The following COBLL1 variants were observed in gnomAD, a reference collection of about 807,000 sequenced individuals.
COBLL1 encodes cordon-bleu WH2 repeat protein like 1.
A neutral mutation model predicts 94.8 loss-of-function variants in COBLL1; 50 were observed. The ratio of observed to expected loss-of-function variants is 0.53; its 90% CI spans 0.42 to 0.67. The LOEUF is 0.67. Ranked by LOEUF, COBLL1 falls within the 30% of genes least tolerant of loss-of-function variation. COBLL1 has a pLI of 0.00. For synonymous variants in COBLL1, 448 were observed against 473.8 expected, an observed-to-expected ratio of 0.95 and a Z score of 0.71; for missense variants, 1,362 against 1,348.7, an observed-to-expected ratio of 1.01 and a Z score of -0.15.
intron 2 of COBLL1, among the ~76,000 whole-genome samples, chr2:164,767,152 T>C (rs1009086056): frequency 2.0e-5 from 3 of 152,240 alleles, no homozygotes; most frequent in African/African-American, 7.2e-5. Flanking sequence ...CTACTCCAAG[T>C]GTCGCTTATG....
chr2:164,773,211 T>G (rs983843553), intron 2 of COBLL1, among the ~76,000 whole-genome samples: 2 of 152,000 alleles, frequency 1.3e-5, no homozygotes, highest in Admixed American at 1.3e-4. Context: ...GTTAGCTTCA[T>G]AGGGTTCTCA....
rs535559688 is a variant in COBLL1 at position 164,672,556 on chromosome 2, G to A, written n.127-6655C>T. On this transcript the variant is annotated intron_variant and non_coding_transcript_variant, in intron 1 of 2. Transcript: ENST00000495084. ...TACCAAAAATACAAAAAAATTAGCC[G>A]GGCGCGGTGGCGGGCGCCTGTAGTC... Among the ~76,000 whole-genome samples the A allele has an allele frequency of 1.0e-3, 158 of 151,698 alleles. 1 individual carries two copies. The East Asian group carries it at 0.026, about 25-fold the overall frequency.
At chr2:164,722,042 C>T in intron 7 of COBLL1, 33 bp downstream of exon 7, 2 of 1,507,858 alleles carry the variant, frequency 1.3e-6, no homozygotes, top group Non-Finnish European at 1.8e-6. Flanking sequence ...CTGCCTCATC[C>T]AAAAAAACAA....
Position 164,685,591 on chromosome 2 carries a change from A to G in COBLL1, c.*355T>C, listed in dbSNP as rs561565201. On this transcript the variant is annotated 3_prime_UTR_variant, in exon 14 of 14. Transcript: ENST00000652658. ...TCCTAGTTGTATGTCATACAAATATAAAGTCTATGAATCTTATACTTTTGT... is the reference window on the plus strand; with the variant it reads ...TCCTAGTTGTATGTCATACAAATATGAAGTCTATGAATCTTATACTTTTGT... 1.0e-4 allele frequency: 17 copies of G among 162,076 alleles called. No homozygotes were observed. Among genetic ancestry groups the G allele is most frequent in the Non-Finnish European group, 5.4e-5 (4 of 74,578 alleles). The allele number at this position is 162,076 out of a possible 1,614,324, so 10.0% of individuals were successfully genotyped here.
rs543005860 is a variant in COBLL1 at position 164,805,287 on chromosome 2, GTCTCTCTCTCTCTCTCTCTCTCTCTC to G, written c.41+35843_41+35868del. ...TACTGATATATTATTCTCTCTGTCT[GTCTCTCTCTCTCTCTCTCTCTCTCTC>G]TCTCTCTCTCTCTCTCTCTCTCTCT... is the stretch of plus-strand genomic sequence containing the variant. On this transcript the variant is annotated intron_variant, in intron 2 of 13. Transcript: ENST00000652658. 9.6e-4 allele frequency among the ~76,000 whole-genome samples: 33 copies of G among 34,232 alleles called. 1 individual carries two copies. The highest frequency in any genetic ancestry group is 1.2e-3 in the South Asian group (1 of 854). 22.5% of individuals were successfully genotyped at this position (34,232 alleles called of 152,430 possible).
At chr2:164,763,527 G>T (rs796881049) in intron 2 of COBLL1, among the ~76,000 whole-genome samples, 2 of 152,240 alleles carry the variant, frequency 1.3e-5, no homozygotes, top group African/African-American at 4.8e-5. Context: ...TATGCGAAAG[G>T]TTAGTTCTTG....
intron 2 of COBLL1, among the ~76,000 whole-genome samples, chr2:164,794,542 T>C (rs1683344191): frequency 6.6e-6 from 1 of 151,910 alleles, no homozygotes; most frequent in South Asian, 2.1e-4. Flanking sequence ...TGAAGAGTCA[T>C]ATAAGACTGT....
intron 13 of COBLL1, among the ~76,000 whole-genome samples, chr2:164,691,644 T>C (rs1478837125): frequency 6.6e-6 from 1 of 152,176 alleles, no homozygotes; most frequent in Non-Finnish European, 1.5e-5. Context: ...GTGTTTTTCC[T>C]GAGAAAAAGC....
intron 2 of COBLL1, among the ~76,000 whole-genome samples, chr2:164,745,598 A>T (rs191532448): frequency 1.5e-3 from 224 of 152,324 alleles, no homozygotes; most frequent in African/African-American, 5.1e-3. Context: ...GGCAGGCAAA[A>T]TTACCATCAA....
Position 164,681,601 on chromosome 2 carries a change from T to A in COBLL1, c.*4345A>T, listed in dbSNP as rs1234258230. On this transcript the variant is annotated 3_prime_UTR_variant, in exon 14 of 14. Transcript: ENST00000652658. ...CTGCTATCACAGCAAAAGGTATGGA[T>A]GCAAGAGAGAAAGAATTGAGGCCAT... 1 of 152,142 alleles carries A rather than the reference T, an allele frequency of 6.6e-6. No homozygotes were observed. Among genetic ancestry groups the A allele is most frequent in the Non-Finnish European group, 1.5e-5 (1 of 68,030 alleles). The allele number at this position is 152,142 out of a possible 1,614,324, so 9.4% of individuals were successfully genotyped here.
At chr2:164,666,738 G>C (rs1001330010) in intron 1 of COBLL1, among the ~76,000 whole-genome samples, 1 of 152,124 alleles carries the variant, frequency 6.6e-6, no homozygotes. Flanking sequence ...TCTTCCATAA[G>C]AAGCAACTCC....
chr2:164,691,977 T>C (rs1379281001), intron 13 of COBLL1, among the ~76,000 whole-genome samples: 1 of 152,146 alleles, frequency 6.6e-6, no homozygotes, highest in Non-Finnish European at 1.5e-5. Flanking sequence ...ATTCTCTATA[T>C]AGTTATGTAA....
intron 5 of COBLL1, among the ~76,000 whole-genome samples, chr2:164,726,863 T>C (rs1047057552): frequency 6.6e-6 from 1 of 152,122 alleles, no homozygotes; most frequent in Non-Finnish European, 1.5e-5. Flanking sequence ...AGAATACGTT[T>C]TCCCACACTG....
Position 164,695,614 on chromosome 2 carries a change from T to A in COBLL1, c.1778A>T (p.Gln593Leu), listed in dbSNP as rs747245315. The A allele has an allele frequency of 8.1e-6, 13 of 1,613,936 alleles. No homozygotes were observed. The highest frequency in any genetic ancestry group is 1.1e-5 in the Non-Finnish European group (13 of 1,179,900). Residue 593 changes from glutamine (Q) to leucine (L), a missense_variant, in exon 12 of 14, where the codon CAA (glutamine) becomes CTA (leucine). By Grantham distance (113) the Gln-to-Leu change is moderately radical. Coordinates refer to ENST00000652658, the MANE Select transcript of COBLL1 (RefSeq NM_001365672.2). Reference protein sequence around the residue: ...ASSVPDQKLNQPSAEKTKDAA... With the variant: ...ASSVPDQKLNLPSAEKTKDAA... ...ATCTTTTGTCTTTTCTGCACTGGGT[T>A]GATTCAGTTTTTGATCTGGTACTGA...
chr2:164,789,670 AAT>A (rs1210053823), intron 2 of COBLL1, among the ~76,000 whole-genome samples: 1 of 152,178 alleles, frequency 6.6e-6, no homozygotes, highest in Non-Finnish European at 1.5e-5. Context: ...AATAGGTGAG[AAT>A]ATGAGATTTA....
At chr2:164,817,553 T>G (rs1030864329) in intron 2 of COBLL1, among the ~76,000 whole-genome samples, 2 of 152,030 alleles carry the variant, frequency 1.3e-5, no homozygotes, top group African/African-American at 4.8e-5. Flanking sequence ...CTCCTCAATC[T>G]CCAACATTTA....
rs1683089685 is a variant in COBLL1, at chr2:164,682,639, C to T, written c.*3307G>A. 6.6e-6 allele frequency: 1 copy of T among 152,116 alleles called. No individual in the cohort carries two copies. Among genetic ancestry groups the T allele is most frequent in the African/African-American group, 2.4e-5 (1 of 41,428 alleles). The allele number at this position is 152,116 out of a possible 1,614,324, so 9.4% of individuals were successfully genotyped here. A position where few individuals can be genotyped will look rare whatever the true frequency, so the allele number is the denominator to read the frequency against. ...CTCAAAGAATAGGGAGTATATTAGGCAAATAATACCTGTTCACTTATAGTA... is the reference window on the plus strand; with the variant it reads ...CTCAAAGAATAGGGAGTATATTAGGTAAATAATACCTGTTCACTTATAGTA... On this transcript the variant is annotated 3_prime_UTR_variant, in exon 14 of 14. Transcript: ENST00000652658.
At chr2:164,830,897 C>A (rs1683046215) in intron 2 of COBLL1, among the ~76,000 whole-genome samples, 1 of 152,164 alleles carries the variant, frequency 6.6e-6, no homozygotes, top group South Asian at 2.1e-4. Context: ...TTCATTCAAT[C>A]AAAGTCAAAT....
intron 1 of COBLL1, among the ~76,000 whole-genome samples, chr2:164,673,454 C>T (rs966208536): frequency 1.3e-5 from 2 of 152,126 alleles, no homozygotes; most frequent in Non-Finnish European, 2.9e-5. Context: ...GCAGGCACAT[C>T]ACTTGAGATC....
Sources: gnomAD v4.1 joint callset for allele counts (sites outside exome capture counted in the v4.1 genomes callset) on GRCh38, gnomAD v4.1.1 for gene constraint, MANE v1.5 for transcripts, NCBI Gene and HGNC (gene_info 2026-07-23, HGNC 2026-07-21) for gene names.